FES: variants seen among roughly 807,000 people sequenced by gnomAD.
FES encodes the protein tyrosine-protein kinase Fes/Fps.
In FES, 83 loss-of-function variants were observed where a neutral mutation model predicts 109.6. That is an observed-to-expected ratio of 0.76 (90% confidence interval 0.63 to 0.91). The LOEUF is 0.91. Among genes scored for constraint, FES ranks in the 40% least tolerant of loss-of-function variants. FES has a pLI of 0.00. For synonymous variants in FES, 458 were observed against 442.1 expected (o/e 1.04, Z -0.45); for missense variants, 943 against 1,070.9 (o/e 0.88, Z 1.67).
At chr15:90,887,509 A>C in intron 5 of FES, 139 bp downstream of exon 5, 1 of 891,304 alleles carries the variant, frequency 1.1e-6, no homozygotes, top group East Asian at 2.7e-5. Context: ...GACCTGGGCC[A>C]AGGATTGGAA....
intron 14 of FES, 97 bp from the exon 15 acceptor site, chr15:90,893,003 T>A (rs1483023666): frequency 6.9e-7 from 1 of 1,439,784 alleles, no homozygotes; most frequent in Non-Finnish European, 9.5e-7. Flanking sequence ...CGTCCGGGTC[T>A]GCTGGCCTTG....
rs761979788 is a variant in FES at position 90,887,249 on chromosome 15, C to T, written c.547C>T (p.His183Tyr). 2.5e-6 allele frequency: 4 copies of T among 1,613,494 alleles called. No homozygotes were observed. The highest frequency in any genetic ancestry group is 3.4e-6 in the Non-Finnish European group (4 of 1,180,038). ...CAGCCTGTGGAAGCTCTTTGCTCAC[C>T]ACAACCGCTATGTGCTGGGCGTGCG... ...VRSLWKLFAH[H>Y]NRYVLGVRAA... Residue 183 changes from histidine to tyrosine, a missense_variant, in exon 5 of 19, where the codon CAC becomes TAC. By Grantham distance (83) the His-to-Tyr change is moderately conservative (BLOSUM62 2). Coordinates refer to ENST00000328850, the MANE Select transcript of FES (RefSeq NM_002005.4).
chr15:90,895,547 C>T lies in FES; in HGVS notation c.2458C>T (p.Arg820Trp), dbSNP rs755451766. Residue 820 changes from arginine (R) to tryptophan (W), a missense_variant, in exon 19 of 19, where the codon CGG (arginine) becomes TGG (tryptophan). Transcript: ENST00000328850. ...CCAGGAGCTGCAGAGCATCCGAAAG[C>T]GGCATCGGTGAGGCTGGGACCCCCT... ...IYQELQSIRKRHR is the reference protein window; with the variant it reads ...IYQELQSIRKWHR 8.2e-6 allele frequency: 13 copies of T among 1,582,116 alleles called. No homozygotes were observed. The highest frequency in any genetic ancestry group is 3.4e-5 in the South Asian group (3 of 87,128).
Position 90,890,243 on chromosome 15 carries a change from C to T in FES, c.1201C>T (p.Leu401Phe), listed in dbSNP as rs1426489863. 5.0e-6 allele frequency: 8 copies of T among 1,596,906 alleles called. No homozygotes were observed. Among genetic ancestry groups the T allele is most frequent in the Non-Finnish European group, 6.0e-6 (7 of 1,175,942 alleles). Residue 401 changes from leucine to phenylalanine, a missense_variant, in exon 9 of 19, where the codon CTC becomes TTC. Leu to Phe is a conservative substitution (Grantham distance 22). Coordinates refer to ENST00000328850, the MANE Select transcript of FES (RefSeq NM_002005.4). ...LGPGEPPPVL[L>F]LQDDRHSTSS... is the part of the protein sequence containing the mutation. ...CCCCGGCGAGCCCCCGCCTGTGCTG[C>T]TCCTGCAGGATGACCGCCACTCCAC... is the stretch of plus-strand genomic sequence containing the variant.
intron 14 of FES, 136 bp from the exon 15 acceptor site, chr15:90,892,964 C>A: frequency 7.6e-7 from 1 of 1,315,372 alleles, no homozygotes; most frequent in Non-Finnish European, 1.1e-6. Context: ...CCTTATAGTG[C>A]CGAAGGGTAG....
At chr15:90,893,260 G>GA in intron 15 of FES, 31 bp from the exon 16 acceptor site, 4 of 1,612,398 alleles carry the variant, frequency 2.5e-6, no homozygotes, top group Non-Finnish European at 3.4e-6. Context: ...CTTACCTCAG[G>GA]AGGCTCAGCA....
Position 90,893,428 on chromosome 15 carries a change from G to GGAT in FES, c.2045+15_2045+16insATG. ...CTGCATCCACCGGTGAGTGGGCGGT[G>GGAT]GCCACGGGCCCTGCCAACACCCCCG... On this transcript the variant is annotated intron_variant, in intron 16 of 18. Coordinates refer to ENST00000328850, the MANE Select transcript of FES (RefSeq NM_002005.4). 6.5e-7 allele frequency: 1 copy of GGAT among 1,529,422 alleles called. No individual in the cohort carries two copies. The highest frequency in any genetic ancestry group is 8.8e-7 in the Non-Finnish European group (1 of 1,142,778). The allele number at this position is 1,529,422 out of a possible 1,614,324, so 94.7% of individuals were successfully genotyped here.
chr15:90,894,805 G>A lies in FES; in HGVS notation c.2327-611G>A, dbSNP rs148495992. 3.1e-3 allele frequency among the ~76,000 whole-genome samples: 468 copies of A among 152,156 alleles called. 2 individuals are homozygous for A. The highest frequency in any genetic ancestry group is 0.011 in the African/African-American group (445 of 41,534). On this transcript the variant is annotated intron_variant, in intron 18 of 18. Coordinates refer to ENST00000328850, the MANE Select transcript of FES (RefSeq NM_002005.4). ...AAAAAACCTGGGCGCAGTGGCTCAC[G>A]CCTGTAATTTCAACATTTTGGGAGG...
rs371252697 is a variant in FES at position 90,889,502 on chromosome 15, C to T, written c.807-15C>T. On this transcript the variant is annotated splice_polypyrimidine_tract_variant and intron_variant, in intron 6 of 18. Coordinates refer to ENST00000328850, the MANE Select transcript of FES (RefSeq NM_002005.4). This position sits in a 1 kb window ranked among gnomAD's most constrained non-coding sequence, Gnocchi z 6.1. ...GCTGCTGGCCTGTCCACTGACGGGG[C>T]GCTGTCCCCCACAGGTCCGCACCTG... The T allele has an allele frequency of 2.7e-5, 43 of 1,613,778 alleles. No individual in the cohort carries two copies. Among genetic ancestry groups the T allele is most frequent in the Middle Eastern group, 1.6e-4 (1 of 6,082 alleles).
At chr15:90,887,391 C>G in intron 5 of FES, 21 bp downstream of exon 5, 2 of 1,589,908 alleles carry the variant, frequency 1.3e-6, no homozygotes, top group Non-Finnish European at 1.7e-6. Context: ...AGCCCCGTCC[C>G]CTGGCCCCCA....
intron 10 of FES, among the ~76,000 whole-genome samples, chr15:90,890,745 G>A (rs1332673636): frequency 1.3e-5 from 2 of 152,106 alleles, no homozygotes; most frequent in African/African-American, 4.8e-5. Context: ...GTGGCCTGGA[G>A]GAGGAGGCAC....
chr15:90,892,180 C>T (rs896474119), intron 13 of FES, 69 bp downstream of exon 13: 35 of 1,582,548 alleles, frequency 2.2e-5, no homozygotes, highest in South Asian at 4.4e-5. Flanking sequence ...GCCCCCTGCC[C>T]TACCACCCAG....
At chr15:90,893,532 T>G in intron 16 of FES, 118 bp downstream of exon 16, 1 of 1,491,630 alleles carries the variant, frequency 6.7e-7, no homozygotes, top group Non-Finnish European at 8.9e-7. Context: ...GGAGTTGGCC[T>G]CTGTGGTAGA....
rs962854449 is a variant in FES at position 90,889,234 on chromosome 15, G to A, written c.669-72G>A. On this transcript the variant is annotated intron_variant, in intron 5 of 18. Coordinates refer to ENST00000328850, the MANE Select transcript of FES (RefSeq NM_002005.4). The surrounding 1 kb of genome is among the most constrained non-coding windows in gnomAD (Gnocchi z 6.1). The stretch of plus-strand genomic sequence containing the variant: ...CCCCAGCCCTGACTCCAAACCCAGG[G>A]TCCTAGGCCTGAACTGCCCAGCCTT... 5.0e-6 allele frequency: 8 copies of A among 1,585,568 alleles called. No individual in the cohort carries two copies. The highest frequency in any genetic ancestry group is 6.9e-6 in the Non-Finnish European group (8 of 1,166,100).
chr15:90,889,971 G>T lies in FES; in HGVS notation c.1049+9G>T, dbSNP rs770693205. 1 of 1,612,012 alleles carries T rather than the reference G, an allele frequency of 6.2e-7. No individual in the cohort carries two copies. The highest frequency in any genetic ancestry group is 2.2e-5 in the East Asian group (1 of 44,834). On this transcript the variant is annotated intron_variant, in intron 8 of 18. Coordinates refer to ENST00000328850, the MANE Select transcript of FES (RefSeq NM_002005.4). The surrounding 1 kb of genome is among the most constrained non-coding windows in gnomAD (Gnocchi z 6.1). The stretch of plus-strand genomic sequence containing the variant: ...ACCCACCCCCGGGAGCGGTGAGTGG[G>T]CCCCTGCCTGCAGCAGCCTCCTGGG...
In FES at chr15:90,893,647, C is replaced by T; in HGVS notation, c.2046-7C>T. The T allele has an allele frequency of 6.4e-7, 1 of 1,573,586 alleles. No homozygotes were observed. Among genetic ancestry groups the T allele is most frequent in the African/African-American group, 1.4e-5 (1 of 73,634 alleles). On this transcript the variant is annotated splice_polypyrimidine_tract_variant and splice_region_variant and intron_variant, in intron 16 of 18. Coordinates refer to ENST00000328850, the MANE Select transcript of FES (RefSeq NM_002005.4). ...GGCCAAATGAGCCCCTGCCCTGTCTCACCCAGGGACCTGGCTGCTCGGAAC... is the reference window on the plus strand; with the variant it reads ...GGCCAAATGAGCCCCTGCCCTGTCTTACCCAGGGACCTGGCTGCTCGGAAC...
At position 90,895,495 on chromosome 15, in the gene FES, G is replaced by A. The variant is rs769753569; in HGVS notation, c.2406G>A (p.Gly802=). 2.5e-6 allele frequency: 4 copies of A among 1,599,098 alleles called. No individual in the cohort carries two copies. The highest frequency in any genetic ancestry group is 3.4e-6 in the Non-Finnish European group (4 of 1,172,070). ...LMEQCWAYEP[G]QRPSFSTIYQ... The stretch of plus-strand genomic sequence containing the variant: ...AGCAGTGCTGGGCCTATGAGCCTGG[G>A]CAGCGGCCCAGCTTCAGCACCATCT... Residue 802 remains glycine (G), a synonymous_variant, in exon 19 of 19, where the codon GGG becomes GGA. Transcript: ENST00000328850.
intron 5 of FES, among the ~76,000 whole-genome samples, chr15:90,887,982 C>T (rs1056311296): frequency 1.3e-5 from 2 of 152,126 alleles, no homozygotes; most frequent in African/African-American, 4.8e-5. Flanking sequence ...GAGTCATACA[C>T]GAGGCTGGAG....
chr15:90,889,078 T>G lies in FES; in HGVS notation c.669-228T>G. 1 of 575,056 alleles carries G rather than the reference T, an allele frequency of 1.7e-6. No homozygotes were observed. The highest frequency in any genetic ancestry group is 3.0e-6 in the Non-Finnish European group (1 of 329,778). The allele number at this position is 575,056 out of a possible 1,614,324, so 35.6% of individuals were successfully genotyped here. ...TTGGTATTATAGGCGTGAGCCACTG[T>G]GCCTGGCCCACTGGATCCTTATTAC... On this transcript the variant is annotated intron_variant, in intron 5 of 18. Transcript: ENST00000328850. This position sits in a 1 kb window ranked among gnomAD's most constrained non-coding sequence, Gnocchi z 6.1.
Sources: allele counts gnomAD v4.1 joint callset (sites outside exome capture counted in the v4.1 genomes callset), GRCh38; gene constraint gnomAD v4.1.1; non-coding constraint Gnocchi (gnomAD v3.1); transcripts MANE v1.5; gene names NCBI Gene and HGNC (gene_info 2026-07-23, HGNC 2026-07-21).